NCK2: variants seen among roughly 807,000 people sequenced by gnomAD.
NCK2 encodes the protein NCK adaptor protein 2.
A neutral mutation model predicts 33.9 loss-of-function variants in NCK2; 16 were observed. The observed-to-expected ratio is 0.47, with a 90% CI of 0.32 to 0.72. NCK2 has a LOEUF of 0.72. Among genes scored for constraint, NCK2 ranks in the 30% least tolerant of loss-of-function variants. The pLI is 0.03. For missense variants in NCK2, 418 were observed against 537.3 expected (o/e 0.78, Z 2.19); for synonymous variants, 273 against 239.9 (o/e 1.14, Z -1.27).
rs115688875 is a variant in NCK2, at chr2:105,748,010, A to C, written c.-201+2872A>C. On this transcript the variant is annotated intron_variant, in intron 1 of 4. Coordinates refer to ENST00000233154, the MANE Select transcript of NCK2 (RefSeq NM_003581.5). Reference sequence around the variant, plus strand: ...ATTTCCCAAAGTATGTTTATTTCTAAAGGTAAATGAACGTTAGCAAGTATT... The same window carrying C: ...ATTTCCCAAAGTATGTTTATTTCTACAGGTAAATGAACGTTAGCAAGTATT... Among the ~76,000 whole-genome samples, 248 of 152,332 alleles carry C rather than the reference A, an allele frequency of 1.6e-3. 2 individuals carry two copies. The highest frequency in any genetic ancestry group is 5.2e-3 in the African/African-American group (216 of 41,568).
intron 3 of NCK2, among the ~76,000 whole-genome samples, chr2:105,864,920 A>G (rs1677688173): frequency 6.6e-6 from 1 of 151,914 alleles, no homozygotes; most frequent in Non-Finnish European, 1.5e-5. Flanking sequence ...ACACCATCCA[A>G]ATAATACTAG....
intron 2 of NCK2, among the ~76,000 whole-genome samples, chr2:105,825,978 A>C (rs962888743): frequency 2.0e-5 from 3 of 152,224 alleles, no homozygotes; most frequent in Admixed American, 6.5e-5. Flanking sequence ...TACATCCTTT[A>C]TAACTCTAGA....
At chr2:105,810,594 C>T (rs182701700) in intron 1 of NCK2, among the ~76,000 whole-genome samples, 1 of 152,246 alleles carries the variant, frequency 6.6e-6, no homozygotes, top group East Asian at 1.9e-4. Context: ...GTTAAAAAGG[C>T]AATATGTAAT....
At chr2:105,884,373 C>A (rs78336162) in intron 4 of NCK2, among the ~76,000 whole-genome samples, 1 of 152,318 alleles carries the variant, frequency 6.6e-6, no homozygotes, top group East Asian at 1.9e-4. Context: ...ATAATTCCTT[C>A]GCAGCATGCC....
At chr2:105,829,199 T>C (rs1676069485) in intron 2 of NCK2, among the ~76,000 whole-genome samples, 1 of 152,170 alleles carries the variant, frequency 6.6e-6, no homozygotes, top group South Asian at 2.1e-4. Flanking sequence ...TTTTGGGGCA[T>C]AATAATAAGA....
chr2:105,764,694 A>G (rs868242732), intron 1 of NCK2, among the ~76,000 whole-genome samples: 3 of 152,208 alleles, frequency 2.0e-5, no homozygotes, highest in Non-Finnish European at 4.4e-5. Flanking sequence ...AAAGATAGAG[A>G]TAATATACTG....
intron 1 of NCK2, among the ~76,000 whole-genome samples, chr2:105,805,000 G>A (rs551926707): frequency 6.6e-6 from 1 of 152,316 alleles, no homozygotes; most frequent in South Asian, 2.1e-4. Context: ...CATAAATGGG[G>A]GAGAAGAGTC....
chr2:105,884,689 A>G (rs986309721), intron 4 of NCK2, among the ~76,000 whole-genome samples: 4 of 152,202 alleles, frequency 2.6e-5, no homozygotes, highest in African/African-American at 9.6e-5. Flanking sequence ...GGTATTTCAG[A>G]AGTATCTGTT....
upstream of NCK2, chr2:105,744,861 A>AGGGTCGCCGCCGCCGCCGCC (rs1420846092): frequency 7.6e-6 from 1 of 131,578 alleles, no homozygotes; most frequent in African/African-American, 2.8e-5. Context: ...GCGCCGGGGG[A>AGGGTCGCCGCCGCCGCCGCC]GGGTCGCCGC....
chr2:105,782,767 A>C (rs1441388197), intron 1 of NCK2, among the ~76,000 whole-genome samples: 1 of 152,110 alleles, frequency 6.6e-6, no homozygotes, highest in Non-Finnish European at 1.5e-5. Context: ...GGAGAAGAGG[A>C]GGTTGCAAAG....
At chr2:105,774,757 T>G (rs1351256018) in intron 1 of NCK2, among the ~76,000 whole-genome samples, 1 of 152,148 alleles carries the variant, frequency 6.6e-6, no homozygotes, top group Non-Finnish European at 1.5e-5. Flanking sequence ...TAACTCACGT[T>G]TATTTTGTAA....
chr2:105,846,465 T>C (rs1676857299), intron 2 of NCK2: 1 of 86,698 alleles, frequency 1.2e-5, no homozygotes, highest in Non-Finnish European at 2.2e-5. Context: ...AAATTAATGG[T>C]AGATACTCAC....
At chr2:105,889,054 G>A (rs373848095) in intron 4 of NCK2, among the ~76,000 whole-genome samples, 4 of 152,196 alleles carry the variant, frequency 2.6e-5, no homozygotes, top group Admixed American at 6.5e-5. Flanking sequence ...AAAGCCAACC[G>A]TGGAAGGACT....
chr2:105,783,349 G>A (rs1030456124), intron 1 of NCK2, among the ~76,000 whole-genome samples: 1 of 152,194 alleles, frequency 6.6e-6, no homozygotes, highest in South Asian at 2.1e-4. Context: ...AGACTTCCCT[G>A]AGCTTCCTTC....
At position 105,872,201 on chromosome 2, in the gene NCK2, C is replaced by T. The variant is rs144454949; in HGVS notation, c.227-9127C>T. On this transcript the variant is annotated intron_variant, in intron 3 of 4. Coordinates refer to ENST00000233154, the MANE Select transcript of NCK2 (RefSeq NM_003581.5). ...AGCTGGAGAGCTCTATGCTCCTGCCCTGCCCAGATCCCTCTCTGCAGCTAC... is the reference window on the plus strand; with the variant it reads ...AGCTGGAGAGCTCTATGCTCCTGCCTTGCCCAGATCCCTCTCTGCAGCTAC... 2.1e-3 allele frequency among the ~76,000 whole-genome samples: 320 copies of T among 152,318 alleles called. 1 individual carries two copies. Among genetic ancestry groups the T allele is most frequent in the African/African-American group, 6.7e-3 (280 of 41,572 alleles).
At chr2:105,816,907 G>A (rs556238587) in intron 2 of NCK2, among the ~76,000 whole-genome samples, 96 of 152,254 alleles carry the variant, frequency 6.3e-4, no homozygotes, top group South Asian at 3.3e-3. Flanking sequence ...ACGAATCCTG[G>A]TCCCTGTATT....
chr2:105,766,009 C>T (rs1432263180), intron 1 of NCK2, among the ~76,000 whole-genome samples: 1 of 152,094 alleles, frequency 6.6e-6, no homozygotes, highest in Non-Finnish European at 1.5e-5. Context: ...CAGGTATGAC[C>T]AGTTCCTGGT....
chr2:105,755,503 C>CTTCCT, intron 1 of NCK2, among the ~76,000 whole-genome samples: 2 of 152,158 alleles, frequency 1.3e-5, no homozygotes, highest in Non-Finnish European at 2.9e-5. Flanking sequence ...TTCATGAGTG[C>CTTCCT]CTCCGGTTGG....
At chr2:105,845,604 G>A (rs74379136) in intron 2 of NCK2, among the ~76,000 whole-genome samples, 3,109 of 152,086 alleles carry the variant, frequency 0.02, 123 homozygotes, top group African/African-American at 0.07. Flanking sequence ...ATGTTGGCCA[G>A]GCTGGTCTCG....
Sources: allele counts gnomAD v4.1 joint callset (sites outside exome capture counted in the v4.1 genomes callset), GRCh38; gene constraint gnomAD v4.1.1; transcripts MANE v1.5; gene names NCBI Gene and HGNC (gene_info 2026-07-23, HGNC 2026-07-21).